The following SLC6A2 variants were observed in gnomAD, a reference collection of about 807,000 sequenced individuals.
The protein encoded by SLC6A2 is sodium-dependent noradrenaline transporter.
Under a neutral mutation model 71.7 loss-of-function variants are expected in SLC6A2, and 26 were observed. The observed-to-expected ratio is 0.36, with a 90% CI of 0.27 to 0.50. SLC6A2 has a LOEUF of 0.50. SLC6A2 is among the 20% of genes least tolerant of loss of function. The probability of loss-of-function intolerance (pLI) is 0.96; values close to 1 mark genes in which losing one functional copy is unlikely to be tolerated. For missense variants in SLC6A2, 581 were observed against 803.9 expected (o/e 0.72, Z 3.35); for synonymous variants, 363 against 337.9 (o/e 1.07, Z -0.82).
At chr16:55,692,140 C>G (rs1965653548) in intron 6 of SLC6A2, 88 bp downstream of exon 6, 3 of 1,471,660 alleles carry the variant, frequency 2.0e-6, no homozygotes, top group East Asian at 2.3e-5. Flanking sequence ...GGTCCCAGCT[C>G]TGCCACAAAT....
intron 4 of SLC6A2, among the ~76,000 whole-genome samples, chr16:55,679,922 G>T (rs1427098378): frequency 1.3e-5 from 2 of 152,132 alleles, no homozygotes; most frequent in Admixed American, 1.3e-4. Flanking sequence ...CTTTGTTGGG[G>T]GACAGGGGTG....
chr16:55,693,161 C>T (rs372408011), intron 6 of SLC6A2, among the ~76,000 whole-genome samples: 27 of 152,168 alleles, frequency 1.8e-4, no homozygotes, highest in Admixed American at 4.6e-4. Flanking sequence ...CTGAGGCGGG[C>T]GGATCACTTG....
intron 9 of SLC6A2, 134 bp from the exon 10 acceptor site, chr16:55,697,763 T>A: frequency 1.2e-6 from 1 of 843,736 alleles, no homozygotes. Context: ...AGGCAGGACG[T>A]GCTGATTTCT....
intron 4 of SLC6A2, among the ~76,000 whole-genome samples, chr16:55,677,539 C>G (rs1965130211): frequency 1.3e-5 from 2 of 152,062 alleles, no homozygotes; most frequent in Admixed American, 1.3e-4. Flanking sequence ...GTTTTGAGAC[C>G]CTACTTACTT....
intron 3 of SLC6A2, among the ~76,000 whole-genome samples, chr16:55,670,848 G>C (rs570013795): frequency 5.9e-5 from 9 of 152,310 alleles, no homozygotes; most frequent in African/African-American, 1.9e-4. Flanking sequence ...TACATCTTGC[G>C]ATGGAGGAAG....
intron 9 of SLC6A2, among the ~76,000 whole-genome samples, chr16:55,696,812 G>A (rs36012): frequency 0.41 from 61,662 of 151,938 alleles, 12,937 homozygotes; most frequent in East Asian, 0.46. Flanking sequence ...GGAGACCCCC[G>A]TCTCTATAAA....
chr16:55,678,605 A>G (rs552491452), intron 4 of SLC6A2, among the ~76,000 whole-genome samples: 4 of 152,216 alleles, frequency 2.6e-5, no homozygotes, highest in South Asian at 4.2e-4. Flanking sequence ...CTGTAACTTT[A>G]TGTGTAAAAG....
intron 5 of SLC6A2, 52 bp downstream of exon 5, chr16:55,685,333 G>C: frequency 6.4e-7 from 1 of 1,573,490 alleles, no homozygotes; most frequent in Non-Finnish European, 8.7e-7. Context: ...ACCTTGGGGG[G>C]TGTGATTATT....
In SLC6A2 at chr16:55,672,023, C is replaced by T. The variant is rs1187353719; in HGVS notation, c.492C>T (p.Phe164=). Residue 164 remains phenylalanine (F), a synonymous_variant, in exon 4 of 15, where the codon TTC becomes TTT. Coordinates refer to ENST00000568943, the MANE Select transcript of SLC6A2 (RefSeq NM_001172501.3). The part of the protein sequence containing the change: ...VIIAWSLYYL[F]SSFTLNLPWT... ...TCGCCTGGTCACTCTACTACCTCTT[C>T]TCCTCCTTCACCCTCAACCTGCCCT... 1.9e-6 allele frequency: 3 copies of T among 1,614,096 alleles called. No homozygotes were observed. The African/African-American group carries it at 4.0e-5, about 22-fold the overall frequency.
chr16:55,666,811 A>T (rs1336432146), intron 2 of SLC6A2, among the ~76,000 whole-genome samples: 1 of 152,170 alleles, frequency 6.6e-6, no homozygotes, highest in African/African-American at 2.4e-5. Flanking sequence ...TAACTGGCTG[A>T]TGCTGCTTTT....
Position 55,703,248 on chromosome 16 carries a change from G to A in SLC6A2, c.*902G>A. The stretch of plus-strand genomic sequence containing the variant: ...GAAACGGGGGCAGGGACCAAGTGAG[G>A]CCTCATGTGTGTCTTCACCGTGCTG... On this transcript the variant is annotated 3_prime_UTR_variant, in exon 15 of 15. Transcript: ENST00000568943. The A allele has an allele frequency of 1.0e-6, 1 of 985,566 alleles. No homozygotes were observed. Among genetic ancestry groups the A allele is most frequent in the East Asian group, 1.1e-4 (1 of 8,812 alleles). 61.1% of individuals were successfully genotyped at this position (985,566 alleles called of 1,614,324 possible).
intron 4 of SLC6A2, among the ~76,000 whole-genome samples, chr16:55,675,436 C>T (rs1352441419): frequency 4.6e-5 from 7 of 152,184 alleles, no homozygotes; most frequent in African/African-American, 1.7e-4. Flanking sequence ...CACATATGTT[C>T]CTGTTGCATG....
At chr16:55,692,113 GTGA>G in intron 6 of SLC6A2, 61 bp downstream of exon 6, 1 of 1,592,134 alleles carries the variant, frequency 6.3e-7, no homozygotes, top group Non-Finnish European at 8.6e-7. Flanking sequence ...TCAGGAGAAG[GTGA>G]TGATGGAAAA....
chr16:55,666,291 A>C lies in SLC6A2; in HGVS notation c.275-3274A>C, dbSNP rs539077363. On this transcript the variant is annotated intron_variant, in intron 2 of 14. Transcript: ENST00000568943. The stretch of plus-strand genomic sequence containing the variant: ...GCAGTTACAAGCCTTGCAGAGCAGT[A>C]CTTTTTAGGGGGTTTGCAACCAGCC... Among the ~76,000 whole-genome samples, 200 of 152,302 alleles carry C rather than the reference A, an allele frequency of 1.3e-3. 1 individual carries two copies. In the South Asian group the frequency reaches 0.04, roughly 31 times the overall value.
At chr16:55,694,690 C>A (rs546990315) in intron 7 of SLC6A2, among the ~76,000 whole-genome samples, 1 of 152,134 alleles carries the variant, frequency 6.6e-6, no homozygotes, top group Non-Finnish European at 1.5e-5. Context: ...TTCATACCAG[C>A]GGGACAGGCT....
At chr16:55,662,618 C>T (rs1007373511) in intron 2 of SLC6A2, among the ~76,000 whole-genome samples, 1 of 152,140 alleles carries the variant, frequency 6.6e-6, no homozygotes, top group South Asian at 2.1e-4. Context: ...AAATGGAAAC[C>T]AGAATCTTCA....
chr16:55,700,235 C>G lies in SLC6A2; in HGVS notation c.1687C>G (p.Leu563Val). ...CAACTGGGTGGGGTGGGGCATCGCCCTGTCCTCCATGGTCCTGGTGCCCAT... is the reference window on the plus strand; with the variant it reads ...CAACTGGGTGGGGTGGGGCATCGCCGTGTCCTCCATGGTCCTGGTGCCCAT... Reference protein sequence around the residue: ...WANWVGWGIALSSMVLVPIYV... With the variant: ...WANWVGWGIAVSSMVLVPIYV... The change falls in exon 13 of 15, where the codon CTG becomes GTG. Residue 563 changes from leucine to valine, a missense_variant. Leu to Val is a conservative substitution (Grantham distance 32, BLOSUM62 1). Around this residue, in one of 5 missense-constraint regions of SLC6A2, gnomAD observed 334 missense variants for 449.0 expected, o/e 0.74. Transcript: ENST00000568943. 6.2e-7 allele frequency: 1 copy of G among 1,614,148 alleles called. No homozygotes were observed. The highest frequency in any genetic ancestry group is 8.5e-7 in the Non-Finnish European group (1 of 1,180,012).
At position 55,704,566 on chromosome 16, in the gene SLC6A2, C is replaced by T. The variant is rs952472432; in HGVS notation, c.*2220C>T. The T allele has an allele frequency of 6.6e-6, 1 of 152,244 alleles. No homozygotes were observed. Among genetic ancestry groups the T allele is most frequent in the East Asian group, 1.9e-4 (1 of 5,204 alleles). 9.4% of individuals were successfully genotyped at this position (152,244 alleles called of 1,614,324 possible). On this transcript the variant is annotated 3_prime_UTR_variant, in exon 15 of 15. Coordinates refer to ENST00000568943, the MANE Select transcript of SLC6A2 (RefSeq NM_001172501.3). ...GGTTTCCAGAGAGGAAATTATTTAG[C>T]TGCTCTCTTTTGATGAAAATAATCA...
chr16:55,684,315 A>AACAAC (rs1555504319), intron 4 of SLC6A2, among the ~76,000 whole-genome samples: 1 of 146,608 alleles, frequency 6.8e-6, no homozygotes, highest in African/African-American at 2.5e-5. Flanking sequence ...AAAAAAAAAA[A>AACAAC]AACAACAACA....
Sources: gnomAD v4.1 joint callset for allele counts (sites outside exome capture counted in the v4.1 genomes callset) on GRCh38, gnomAD v4.1.1 for gene constraint, gnomAD v4.1.1 regional missense constraint, MANE v1.5 for transcripts, NCBI Gene and HGNC (gene_info 2026-07-23, HGNC 2026-07-21) for gene names.